KCNG2: variants seen among roughly 807,000 people sequenced by gnomAD.
The protein encoded by KCNG2 is voltage-gated potassium channel regulatory subunit KCNG2.
In KCNG2, 7 loss-of-function variants were observed where a neutral mutation model predicts 12.3. The ratio of observed to expected loss-of-function variants is 0.57; its 90% CI spans 0.32 to 1.07. The LOEUF is 1.07. KCNG2 is among the 50% of genes least tolerant of loss of function. The pLI is 0.04. For synonymous variants in KCNG2, 414 were observed against 351.4 expected (o/e 1.18, Z -1.99); for missense variants, 703 against 726.0 (o/e 0.97, Z 0.36).
At chr18:79,834,940 G>A (rs1344439410) in intron 1 of KCNG2, among the ~76,000 whole-genome samples, 2 of 152,206 alleles carry the variant, frequency 1.3e-5, no homozygotes, top group African/African-American at 4.8e-5. Context: ...TTTCCCTCTT[G>A]TTTATACTGA....
intron 3 of KCNG2, among the ~76,000 whole-genome samples, chr18:79,868,597 C>T (rs1979705097): frequency 6.6e-6 from 1 of 152,232 alleles, no homozygotes; most frequent in Admixed American, 6.5e-5. Flanking sequence ...GGTGACGTAA[C>T]AAAACCGGAA....
chr18:79,895,181 G>A (rs528130565), intron 3 of KCNG2, among the ~76,000 whole-genome samples: 17 of 150,826 alleles, frequency 1.1e-4, no homozygotes, highest in Admixed American at 9.9e-4. Flanking sequence ...TGATTGGGTT[G>A]TTCACTCCAT....
chr18:79,891,511 A>G (rs12455416), intron 3 of KCNG2, among the ~76,000 whole-genome samples: 18,976 of 152,192 alleles, frequency 0.12, 1,528 homozygotes, highest in East Asian at 0.36. Context: ...AGTTACAGGC[A>G]TGAGCCACCA....
intron 2 of KCNG2, among the ~76,000 whole-genome samples, chr18:79,862,067 T>C (rs925531457): frequency 6.6e-6 from 1 of 152,266 alleles, no homozygotes; most frequent in Non-Finnish European, 1.5e-5. Flanking sequence ...TTTGAAGATA[T>C]TAAATAAGCT....
intron 1 of KCNG2, among the ~76,000 whole-genome samples, chr18:79,807,361 C>G (rs2122990484): frequency 6.6e-6 from 1 of 152,328 alleles, no homozygotes; most frequent in African/African-American, 2.4e-5. Context: ...TCTGCATCTG[C>G]CCCAGGACAT....
intron 1 of KCNG2, among the ~76,000 whole-genome samples, chr18:79,805,558 G>A (rs9951063): frequency 0.031 from 4,703 of 151,504 alleles, 245 homozygotes; most frequent in African/African-American, 0.11. Context: ...TTCTTCTATC[G>A]TCTGTTTCTC....
Position 79,803,217 on chromosome 18 carries a change from C to T in KCNG2, c.-115+5203C>T, listed in dbSNP as rs2087424776. Among the ~76,000 whole-genome samples the T allele has an allele frequency of 6.6e-6, 1 of 152,072 alleles. No homozygotes were observed. The highest frequency in any genetic ancestry group is 2.4e-5 in the African/African-American group (1 of 41,360). ...TAACACTCATGAGATTGCCTGATCACCTCTGTAGTCACAGGGCAGGGCCAG... is the reference window on the plus strand; with the variant it reads ...TAACACTCATGAGATTGCCTGATCATCTCTGTAGTCACAGGGCAGGGCCAG... On this transcript the variant is annotated intron_variant, in intron 1 of 3. Transcript: ENST00000316249. This position sits in a 1 kb window ranked among gnomAD's most constrained non-coding sequence, Gnocchi z 4.5.
rs760840033 is a variant in KCNG2 at position 79,899,121 on chromosome 18, C to T, written c.706C>T (p.Arg236Cys). The part of the protein sequence containing the change: ...VAWFSFEFLL[R>C]SLQAESKCAF... ...CTGGTTCTCCTTCGAGTTCCTGCTGCGCTCCCTGCAGGCCGAGAGCAAGTG... is the reference window on the plus strand; with the variant it reads ...CTGGTTCTCCTTCGAGTTCCTGCTGTGCTCCCTGCAGGCCGAGAGCAAGTG... Residue 236 changes from arginine to cysteine, a missense_variant, in exon 4 of 4, where the codon CGC becomes TGC. Arg to Cys is a radical substitution (Grantham distance 180). Coordinates refer to ENST00000316249, the MANE Select transcript of KCNG2 (RefSeq NM_012283.2). 1.7e-5 allele frequency: 27 copies of T among 1,606,974 alleles called. No homozygotes were observed. The highest frequency in any genetic ancestry group is 2.1e-5 in the Non-Finnish European group (25 of 1,179,066).
intron 1 of KCNG2, among the ~76,000 whole-genome samples, chr18:79,801,459 G>A (rs764315466): frequency 3.9e-4 from 59 of 152,178 alleles, no homozygotes; most frequent in Admixed American, 2.0e-4. Flanking sequence ...CACCTGCCCC[G>A]CACTGCCCAC....
chr18:79,873,942 G>C lies in KCNG2; in HGVS notation c.624+9651G>C, dbSNP rs1267294226. Among the ~76,000 whole-genome samples the C allele has an allele frequency of 5.3e-5, 8 of 152,248 alleles. No homozygotes were observed. In the East Asian group the frequency reaches 1.5e-3, roughly 29 times the overall value. On this transcript the variant is annotated intron_variant, in intron 3 of 3. Transcript: ENST00000316249. Reference sequence around the variant, plus strand: ...ATGCTCATGCTGAGGCCACTGAAGAGTCAGACACGTTTCGGGCCACTTCGG... The same window carrying C: ...ATGCTCATGCTGAGGCCACTGAAGACTCAGACACGTTTCGGGCCACTTCGG...
intron 3 of KCNG2, among the ~76,000 whole-genome samples, chr18:79,896,935 C>G (rs1980997385): frequency 6.6e-6 from 1 of 152,166 alleles, no homozygotes; most frequent in Admixed American, 6.5e-5. Flanking sequence ...AGTGTTTCTG[C>G]TGGTAAGTCA....
At chr18:79,856,838 G>A (rs1979025845) in intron 2 of KCNG2, among the ~76,000 whole-genome samples, 1 of 151,962 alleles carries the variant, frequency 6.6e-6, no homozygotes, top group Admixed American at 6.5e-5. Context: ...GCTCCGTCTT[G>A]TGAGCCCTGG....
intron 2 of KCNG2, among the ~76,000 whole-genome samples, chr18:79,859,632 A>G (rs1052343094): frequency 2.6e-5 from 4 of 152,236 alleles, no homozygotes; most frequent in African/African-American, 9.7e-5. Context: ...ACTGGGTATC[A>G]AATTCCAATA....
At position 79,803,013 on chromosome 18, in the gene KCNG2, T is replaced by C. The variant is rs1273938021; in HGVS notation, c.-115+4999T>C. Among the ~76,000 whole-genome samples, 1 of 152,164 alleles carries C rather than the reference T, an allele frequency of 6.6e-6. No homozygotes were observed. Among genetic ancestry groups the C allele is most frequent in the Non-Finnish European group, 1.5e-5 (1 of 68,018 alleles). On this transcript the variant is annotated intron_variant, in intron 1 of 3. Transcript: ENST00000316249. The surrounding 1 kb of genome is among the most constrained non-coding windows in gnomAD (Gnocchi z 4.5). ...GGTCAACATGGTGAAACCTCATCTC[T>C]ACTAAAACACAAAAATTAGCCGGGC...
In KCNG2 at chr18:79,797,945, C is replaced by A. The variant is rs1185750127; in HGVS notation, c.-184C>A. On this transcript the variant is annotated 5_prime_UTR_variant, in exon 1 of 4. Transcript: ENST00000316249. ...GTCCGGGATGCCGGCTCCAGAGACG[C>A]CGCGCTCCGCCCCGAGGAGGCCGCC... Among the ~76,000 whole-genome samples, 3 of 151,470 alleles carry A rather than the reference C, an allele frequency of 2.0e-5. No individual in the cohort carries two copies. Among genetic ancestry groups the A allele is most frequent in the Admixed American group, 1.3e-4 (2 of 15,228 alleles).
chr18:79,805,250 T>C (rs1453893428), intron 1 of KCNG2, among the ~76,000 whole-genome samples: 2 of 152,394 alleles, frequency 1.3e-5, no homozygotes, highest in Non-Finnish European at 2.9e-5. Context: ...CTTCTCATTC[T>C]CCGCCTCACC....
Position 79,851,615 on chromosome 18 carries a change from AGAGTGTGT to A in KCNG2, c.-114-4762_-114-4755del, listed in dbSNP as rs1978820161. On this transcript the variant is annotated intron_variant, in intron 1 of 3. Transcript: ENST00000316249. ...GTGTGTGTGCATGTGCGGGTGTGTG[AGAGTGTGT>A]GTGTATGTGCGGTGTGCAAGTGTGA... Among the ~76,000 whole-genome samples the A allele has an allele frequency of 3.0e-5, 4 of 134,546 alleles. No homozygotes were observed. The Admixed American group carries it at 3.2e-4, about 11-fold the overall frequency. 88.3% of individuals were successfully genotyped at this position (134,546 alleles called of 152,430 possible). A position where few individuals can be genotyped will look rare whatever the true frequency, so the allele number is the denominator to read the frequency against.
chr18:79,872,280 GTT>G (rs1162742507), intron 3 of KCNG2, among the ~76,000 whole-genome samples: 30 of 73,410 alleles, frequency 4.1e-4, no homozygotes, highest in African/African-American at 1.5e-3. Flanking sequence ...CAAAGCTTCA[GTT>G]TTTTTTTTTT....
chr18:79,885,401 G>A (rs1332988967), intron 3 of KCNG2, among the ~76,000 whole-genome samples: 3 of 152,182 alleles, frequency 2.0e-5, no homozygotes, highest in South Asian at 2.1e-4. Flanking sequence ...TTCCGGAAAC[G>A]TGCCCGCCGA....
Sources: gnomAD v4.1 joint callset for allele counts (sites outside exome capture counted in the v4.1 genomes callset) on GRCh38, gnomAD v4.1.1 for gene constraint, Gnocchi (gnomAD v3.1) non-coding constraint, MANE v1.5 for transcripts, NCBI Gene and HGNC (gene_info 2026-07-23, HGNC 2026-07-21) for gene names.